The following CEP162 variants were observed in gnomAD, a reference collection of about 807,000 sequenced individuals.
The protein encoded by CEP162 is centrosomal protein 162.
A neutral mutation model predicts 169.2 loss-of-function variants in CEP162; 141 were observed. That is an observed-to-expected ratio of 0.83 (90% CI 0.73 to 0.96). CEP162 has a LOEUF of 0.96. CEP162 is among the 40% of genes least tolerant of loss of function. The pLI, the probability that CEP162 is intolerant of heterozygous loss-of-function variation, is 0.00. For missense variants in CEP162, 1,600 were observed against 1,587.2 expected, an observed-to-expected ratio of 1.01 and a Z score of -0.14; for synonymous variants, 540 against 526.4, an observed-to-expected ratio of 1.03 and a Z score of -0.35.
chr6:84,128,139 T>C, intron 25 of CEP162, among the ~76,000 whole-genome samples: 1 of 152,190 alleles, frequency 6.6e-6, no homozygotes, highest in Non-Finnish European at 1.5e-5. Flanking sequence ...GTTTAACAAT[T>C]ATTCATGAAT....
At chr6:84,214,200 T>C (rs2099550656) in intron 5 of CEP162, among the ~76,000 whole-genome samples, 1 of 152,010 alleles carries the variant, frequency 6.6e-6, no homozygotes, top group Admixed American at 6.5e-5. Context: ...AATGGTGTGA[T>C]CCCGGGAGGT....
At chr6:84,199,813 T>C (rs1267131666) in intron 9 of CEP162, among the ~76,000 whole-genome samples, 1 of 152,152 alleles carries the variant, frequency 6.6e-6, no homozygotes, top group Non-Finnish European at 1.5e-5. Flanking sequence ...TATGAGACCA[T>C]AACAAATCTC....
chr6:84,227,067 G>A (rs1198254566), intron 1 of CEP162, among the ~76,000 whole-genome samples: 2 of 152,156 alleles, frequency 1.3e-5, no homozygotes, highest in Non-Finnish European at 2.9e-5. Context: ...CTTTTGAAGC[G>A]AGGGAAGACC....
intron 21 of CEP162, among the ~76,000 whole-genome samples, chr6:84,156,767 CACACAA>C (rs942132921): frequency 2.6e-5 from 4 of 151,696 alleles, no homozygotes; most frequent in African/African-American, 9.7e-5. Flanking sequence ...CACACACACA[CACACAA>C]ACACACTATT....
intron 11 of CEP162, among the ~76,000 whole-genome samples, chr6:84,190,047 C>T (rs558655965): frequency 2.0e-5 from 3 of 147,948 alleles, no homozygotes; most frequent in East Asian, 2.0e-4. Flanking sequence ...TTTGTGACTG[C>T]ACCAATCAAC....
Position 84,186,334 on chromosome 6 carries a change from T to C in CEP162, c.1399A>G (p.Lys467Glu), listed in dbSNP as rs759066095. 5 of 1,375,288 alleles carry C rather than the reference T, an allele frequency of 3.6e-6. No individual in the cohort carries two copies. Among genetic ancestry groups the C allele is most frequent in the African/African-American group, 2.9e-5 (2 of 69,970 alleles). 85.2% of individuals were successfully genotyped at this position (1,375,288 alleles called of 1,614,324 possible). A position where few individuals can be genotyped will look rare whatever the true frequency, so the allele number is the denominator to read the frequency against. Residue 467 changes from lysine (K) to glutamate (E), a missense_variant and splice_region_variant, in exon 12 of 27, where the codon AAA (lysine) becomes GAA (glutamate). Coordinates refer to ENST00000403245, the MANE Select transcript of CEP162 (RefSeq NM_014895.4). ...TCAATTTGATGATAAATACTTACTTTATTAATTTTGTCATCCTGAGATAAT... is the reference window on the plus strand; with the variant it reads ...TCAATTTGATGATAAATACTTACTTCATTAATTTTGTCATCCTGAGATAAT... ...SSLSQDDKIN[K>E]TYRSQLSSEE...
intron 3 of CEP162, among the ~76,000 whole-genome samples, chr6:84,219,832 G>C (rs1432043629): frequency 6.6e-6 from 1 of 152,188 alleles, no homozygotes; most frequent in Non-Finnish European, 1.5e-5. Context: ...CGCAGGAGTT[G>C]TCCTATAGGT....
chr6:84,126,286 G>T, intron 26 of CEP162, 92 bp downstream of exon 26: 1 of 827,706 alleles, frequency 1.2e-6, no homozygotes, highest in South Asian at 3.3e-5. Context: ...CACTTTAAGT[G>T]GTAATTTTTG....
Position 84,145,573 on chromosome 6 carries a change from CTCTGGGGTTTTGTTATTTACATGTAA to C in CEP162, c.3870+1088_3870+1113del, listed in dbSNP as rs1175900057. The stretch of plus-strand genomic sequence containing the variant: ...TCAGATTCTAGCCTTGTTTTTTTAT[CTCTGGGGTTTTGTTATTTACATGTAA>C]TCTGGTCTAGATCTCTGTCTATAAT... On this transcript the variant is annotated intron_variant, in intron 25 of 26. Transcript: ENST00000403245. Among the ~76,000 whole-genome samples the C allele has an allele frequency of 2.0e-5, 3 of 151,898 alleles. 1 individual carries two copies. The highest frequency in any genetic ancestry group is 7.3e-5 in the African/African-American group (3 of 41,372).
At chr6:84,146,560 AT>A (rs745595372) in intron 25 of CEP162, 126 bp downstream of exon 25, 193 of 486,468 alleles carry the variant, frequency 4.0e-4, no homozygotes, top group Non-Finnish European at 6.2e-4. Context: ...CGCTGCTAAT[AT>A]TTTCTTGACG....
At chr6:84,177,668 T>C (rs1264559501) in intron 13 of CEP162, among the ~76,000 whole-genome samples, 3 of 152,192 alleles carry the variant, frequency 2.0e-5, no homozygotes, top group Non-Finnish European at 4.4e-5. Flanking sequence ...CCCAAGTAGC[T>C]GGGATTACAA....
At chr6:84,163,519 T>C (rs952458486) in intron 18 of CEP162, among the ~76,000 whole-genome samples, 3 of 151,994 alleles carry the variant, frequency 2.0e-5, no homozygotes, top group African/African-American at 7.2e-5. Context: ...TTCTTCCATA[T>C]ACTAACCATA....
intron 3 of CEP162, chr6:84,217,913 A>T (rs73487263): frequency 2.6e-5 from 4 of 152,114 alleles, no homozygotes; most frequent in African/African-American, 9.7e-5. Context: ...GTTCATAAGG[A>T]GATTGGAAGA....
At chr6:84,192,713 T>C (rs902179758) in intron 11 of CEP162, among the ~76,000 whole-genome samples, 1 of 152,228 alleles carries the variant, frequency 6.6e-6, no homozygotes, top group Non-Finnish European at 1.5e-5. Context: ...AGAAGTATTT[T>C]ATGGAGATCA....
Position 84,206,235 on chromosome 6 carries a change from G to C in CEP162, c.572-2139C>G, listed in dbSNP as rs1056433975. Among the ~76,000 whole-genome samples the C allele has an allele frequency of 3.4e-5, 5 of 148,548 alleles. 1 individual carries two copies. Among genetic ancestry groups the C allele is most frequent in the African/African-American group, 1.3e-4 (5 of 38,092 alleles). On this transcript the variant is annotated intron_variant, in intron 6 of 26. Transcript: ENST00000403245. ...AAAAAACTACTTTAAAGTTCATATG[G>C]AACCAAAAAAGAGCCTGCATTACCA...
intron 18 of CEP162, 122 bp downstream of exon 18, chr6:84,169,206 T>C: frequency 1.6e-6 from 1 of 627,430 alleles, no homozygotes; most frequent in African/African-American, 1.9e-5. Flanking sequence ...TTTTAAATGG[T>C]ATGAAATTTA....
intron 25 of CEP162, among the ~76,000 whole-genome samples, chr6:84,137,652 A>T (rs1247017364): frequency 6.6e-6 from 1 of 152,166 alleles, no homozygotes; most frequent in African/African-American, 2.4e-5. Context: ...ATCCATAGGG[A>T]TCATGAGTAA....
At position 84,152,708 on chromosome 6, in the gene CEP162, T is replaced by G; in HGVS notation, c.3466A>C (p.Ser1156Arg). The change falls in exon 23 of 27, where the codon AGC becomes CGC. Residue 1156 changes from serine (S) to arginine (R), a missense_variant. Ser to Arg is a moderately radical substitution (Grantham distance 110, BLOSUM62 -1). Transcript: ENST00000403245. ...AAAGTATGTGGTTGGTACAGCTTGC[T>G]GTCCAGGGTTCCAGGGAAGGAGTTA... ...NANSFPGTLD[S>R]KLYQPHTFTD... The G allele has an allele frequency of 1.9e-6, 3 of 1,613,130 alleles. No homozygotes were observed. Among genetic ancestry groups the G allele is most frequent in the Middle Eastern group, 3.3e-4 (2 of 6,060 alleles).
chr6:84,164,539 C>T (rs866651556), intron 18 of CEP162, among the ~76,000 whole-genome samples: 2 of 152,282 alleles, frequency 1.3e-5, no homozygotes, highest in African/African-American at 4.8e-5. Context: ...AATTCATGTC[C>T]TTTGCAGGGC....
Sources: gnomAD v4.1 joint callset for allele counts (sites outside exome capture counted in the v4.1 genomes callset) on GRCh38, gnomAD v4.1.1 for gene constraint, MANE v1.5 for transcripts, NCBI Gene and HGNC (gene_info 2026-07-23, HGNC 2026-07-21) for gene names.